The following FBXO42 variants were observed in gnomAD, a reference collection of about 807,000 sequenced individuals.
The protein encoded by FBXO42 is F-box protein 42.
In FBXO42, 12 loss-of-function variants were observed where a neutral mutation model predicts 71.7. That is an observed-to-expected ratio of 0.17 (90% CI 0.11 to 0.27). The LOEUF is 0.27. Ranked by LOEUF, FBXO42 falls within the 10% of genes least tolerant of loss-of-function variation. The pLI, the probability that FBXO42 is intolerant of heterozygous loss-of-function variation, is 1.00. For synonymous variants in FBXO42, 325 were observed against 327.5 expected (o/e 0.99, Z 0.08); for missense variants, 707 against 911.9 (o/e 0.78, Z 2.89).
intron 2 of FBXO42, 45 bp from the exon 3 acceptor site, chr1:16,305,964 T>A: frequency 7.9e-7 from 1 of 1,258,188 alleles, no homozygotes. Context: ...ACTTAACTTA[T>A]CCATCAAATT....
At chr1:16,286,720 C>T (rs890578761) in intron 4 of FBXO42, among the ~76,000 whole-genome samples, 4 of 152,168 alleles carry the variant, frequency 2.6e-5, no homozygotes, top group Non-Finnish European at 5.9e-5. Context: ...AAACTCAATA[C>T]GTTTCAAGTG....
chr1:16,304,150 CTT>C (rs1263056912), intron 3 of FBXO42, among the ~76,000 whole-genome samples: 2 of 134,610 alleles, frequency 1.5e-5, no homozygotes, highest in Non-Finnish European at 3.1e-5. Context: ...GAGTTTCACT[CTT>C]GTTGCCCAGG....
chr1:16,307,616 G>C (rs910098300), intron 2 of FBXO42, among the ~76,000 whole-genome samples: 1 of 151,534 alleles, frequency 6.6e-6, no homozygotes, highest in Admixed American at 6.6e-5. Context: ...CAAGATTGCA[G>C]GATACAAGGT....
intron 1 of FBXO42, among the ~76,000 whole-genome samples, chr1:16,320,079 G>A (rs1281006953): frequency 2.6e-5 from 4 of 151,792 alleles, no homozygotes; most frequent in South Asian, 2.1e-4. Context: ...ACGTACAGTC[G>A]CCGAGCATGG....
chr1:16,305,388 A>AAAAT (rs1421885999), intron 3 of FBXO42, among the ~76,000 whole-genome samples: 1 of 152,118 alleles, frequency 6.6e-6, no homozygotes, highest in African/African-American at 2.4e-5. Context: ...ACTCCATTTC[A>AAAAT]AAATAAATAA....
At chr1:16,330,573 T>C (rs547954126) in intron 1 of FBXO42, among the ~76,000 whole-genome samples, 14 of 151,642 alleles carry the variant, frequency 9.2e-5, no homozygotes, top group South Asian at 2.1e-4. Context: ...CTTTGGGAGG[T>C]TGAGGCAGGC....
At chr1:16,326,583 C>T (rs2082454535) in intron 1 of FBXO42, among the ~76,000 whole-genome samples, 1 of 150,520 alleles carries the variant, frequency 6.6e-6, no homozygotes, top group Non-Finnish European at 1.5e-5. Context: ...ACTCAGGAGG[C>T]CGAAGTGGGA....
Position 16,301,685 on chromosome 1 carries a change from AAC to A in FBXO42, c.367+4116_367+4117del, listed in dbSNP as rs371654922. 6.3e-4 allele frequency among the ~76,000 whole-genome samples: 53 copies of A among 84,300 alleles called. 2 individuals carry two copies. Among genetic ancestry groups the A allele is most frequent in the African/African-American group, 1.0e-3 (30 of 29,296 alleles). 55.3% of individuals were successfully genotyped at this position (84,300 alleles called of 152,430 possible). A position where few individuals can be genotyped will look rare whatever the true frequency, so the allele number is the denominator to read the frequency against. Reference sequence around the variant, plus strand: ...GACCCCATCTCAAAAAAAAAAAAACAACAAAAAAAAAAGAAACGGTACAAGAA... The same window carrying A: ...GACCCCATCTCAAAAAAAAAAAAACAAAAAAAAAAAGAAACGGTACAAGAA... On this transcript the variant is annotated intron_variant, in intron 3 of 9. Transcript: ENST00000375592.
chr1:16,295,133 C>G (rs1446227616), intron 3 of FBXO42, among the ~76,000 whole-genome samples: 1 of 152,118 alleles, frequency 6.6e-6, no homozygotes, highest in East Asian at 1.9e-4. Flanking sequence ...TATTTCTGAG[C>G]ACACTAAGCA....
At chr1:16,344,538 G>A in intron 1 of FBXO42, among the ~76,000 whole-genome samples, 1 of 123,094 alleles carries the variant, frequency 8.1e-6, no homozygotes, top group African/African-American at 3.2e-5. Context: ...GTTTCCCCAT[G>A]TTGGCCAGGC....
chr1:16,295,717 A>G (rs948606220), intron 3 of FBXO42, among the ~76,000 whole-genome samples: 1 of 152,100 alleles, frequency 6.6e-6, no homozygotes, highest in African/African-American at 2.4e-5. Flanking sequence ...TATATGACAC[A>G]CAATGAAATG....
chr1:16,343,967 C>A (rs1173152666), intron 1 of FBXO42, among the ~76,000 whole-genome samples: 16 of 142,554 alleles, frequency 1.1e-4, no homozygotes, highest in African/African-American at 1.6e-4. Context: ...AAAAAAAAAA[C>A]AACAACAAAA....
chr1:16,315,098 A>T, intron 2 of FBXO42, 71 bp downstream of exon 2: 2 of 1,511,440 alleles, frequency 1.3e-6, no homozygotes, highest in East Asian at 4.5e-5. Context: ...GAAAAAAACT[A>T]AATTTGGAGT....
rs968075887 is a variant in FBXO42, at chr1:16,342,907, A to G, written c.-18+9348T>C. ...GTTGTTATAAATCAGGCCATCCCCA[A>G]CGTTTCCCCTATTCACATGTCAACT... On this transcript the variant is annotated intron_variant, in intron 1 of 9. Coordinates refer to ENST00000375592, the MANE Select transcript of FBXO42 (RefSeq NM_018994.3). Among the ~76,000 whole-genome samples, 8 of 152,114 alleles carry G rather than the reference A, an allele frequency of 5.3e-5. No homozygotes were observed. The South Asian group carries it at 6.2e-4, about 12-fold the overall frequency.
intron 4 of FBXO42, among the ~76,000 whole-genome samples, chr1:16,270,751 T>TACACACACAC (rs58610558): frequency 9.6e-4 from 107 of 111,002 alleles, no homozygotes; most frequent in African/African-American, 2.5e-3. Context: ...TACCATGAGA[T>TACACACACAC]ACACACACAC....
At chr1:16,307,096 T>A (rs1334819802) in intron 2 of FBXO42, among the ~76,000 whole-genome samples, 1 of 152,046 alleles carries the variant, frequency 6.6e-6, no homozygotes, top group East Asian at 1.9e-4. Flanking sequence ...TTCACCACAG[T>A]GGCCAGGCTG....
At chr1:16,301,750 G>A (rs536378535) in intron 3 of FBXO42, among the ~76,000 whole-genome samples, 2 of 151,020 alleles carry the variant, frequency 1.3e-5, no homozygotes, top group South Asian at 2.1e-4. Flanking sequence ...TCAAGTAGAC[G>A]ACAATCTTGT....
intron 1 of FBXO42, among the ~76,000 whole-genome samples, chr1:16,333,642 T>C (rs1330046419): frequency 6.6e-5 from 10 of 152,264 alleles, no homozygotes; most frequent in Middle Eastern, 3.4e-3. Context: ...CTCATTGCTA[T>C]GGCTTCCAAT....
rs374646864 is a variant in FBXO42 at position 16,251,008 on chromosome 1, G to T, written c.1816C>A (p.Pro606Thr). 3 of 1,614,116 alleles carry T rather than the reference G, an allele frequency of 1.9e-6. No homozygotes were observed. The African/African-American group carries it at 4.0e-5, about 22-fold the overall frequency. ...AAGGAATGTCCATCTCCTTGGGCAG[G>T]CCCTGGGCGAGGGATGGGCACTGTT... Reference protein sequence around the residue: ...GETVPIPRPGPAQGDGHSLPP... With the variant: ...GETVPIPRPGTAQGDGHSLPP... The change falls in exon 10 of 10, where the codon CCT (proline) becomes ACT (threonine). Residue 606 changes from proline to threonine, a missense_variant. Pro to Thr is a conservative substitution (Grantham distance 38). Coordinates refer to ENST00000375592, the MANE Select transcript of FBXO42 (RefSeq NM_018994.3). This position sits in a 1 kb window ranked among gnomAD's most constrained non-coding sequence, Gnocchi z 4.5.
Sources: gnomAD v4.1 joint callset for allele counts (sites outside exome capture counted in the v4.1 genomes callset) on GRCh38, gnomAD v4.1.1 for gene constraint, Gnocchi (gnomAD v3.1) non-coding constraint, MANE v1.5 for transcripts, NCBI Gene and HGNC (gene_info 2026-07-23, HGNC 2026-07-21) for gene names.